Variants in SPAG16 observed in about 807,000 individuals in gnomAD.
The protein encoded by SPAG16 is sperm-associated antigen 16 protein.
In SPAG16, 86 loss-of-function variants were observed where a neutral mutation model predicts 80.4. That is an observed-to-expected ratio of 1.07 (90% confidence interval 0.90 to 1.28). The LOEUF is 1.28. SPAG16 is among the 50% of genes most tolerant of loss of function. The pLI, the probability that SPAG16 is intolerant of heterozygous loss-of-function variation, is 0.00. For synonymous variants in SPAG16, 294 were observed against 265.9 expected, an observed-to-expected ratio of 1.11 and a Z score of -1.03; for missense variants, 870 against 765.3, an observed-to-expected ratio of 1.14 and a Z score of -1.61.
chr2:214,316,521 C>A (rs1695704406), intron 15 of SPAG16, among the ~76,000 whole-genome samples: 1 of 152,126 alleles, frequency 6.6e-6, no homozygotes, highest in Admixed American at 6.6e-5. Flanking sequence ...ATTTGGGGCT[C>A]TTTTTATAAG....
intron 10 of SPAG16, among the ~76,000 whole-genome samples, chr2:213,631,786 T>C (rs532144163): frequency 3.9e-5 from 6 of 152,190 alleles, no homozygotes; most frequent in Non-Finnish European, 8.8e-5. Flanking sequence ...CAAAATCGAC[T>C]TCACTATAGG....
At chr2:213,523,889 T>C (rs2075781971) in intron 10 of SPAG16, among the ~76,000 whole-genome samples, 1 of 152,122 alleles carries the variant, frequency 6.6e-6, no homozygotes, top group Admixed American at 6.6e-5. Context: ...GCATAAAAAT[T>C]TGGAAAATTT....
At chr2:214,314,179 A>C (rs1576755771) in intron 15 of SPAG16, among the ~76,000 whole-genome samples, 2 of 152,268 alleles carry the variant, frequency 1.3e-5, no homozygotes, top group Admixed American at 1.3e-4. Context: ...TTTTGCCTTG[A>C]GTTATACTTT....
rs1022793140 is a variant in SPAG16, at chr2:214,121,817, C to T, written c.1593+13556C>T. On this transcript the variant is annotated intron_variant, in intron 14 of 15. Coordinates refer to ENST00000331683, the MANE Select transcript of SPAG16 (RefSeq NM_024532.5). The stretch of plus-strand genomic sequence containing the variant: ...TTATTTAAAATGCTGTATAAAATTA[C>T]CTTCAGTCTGTATGTATAAGGTATA... Among the ~76,000 whole-genome samples the T allele has an allele frequency of 2.0e-5, 3 of 151,884 alleles. No individual in the cohort carries two copies. The East Asian group carries it at 5.8e-4, about 29-fold the overall frequency.
At chr2:214,267,099 A>G (rs1255605456) in intron 15 of SPAG16, among the ~76,000 whole-genome samples, 2 of 151,836 alleles carry the variant, frequency 1.3e-5, no homozygotes, top group Non-Finnish European at 3.0e-5. Context: ...TAAAATTTGT[A>G]TGGAACTACA....
At position 214,149,123 on chromosome 2, in the gene SPAG16, T is replaced by C. The variant is rs754751257; in HGVS notation, c.1594-17T>C. The stretch of plus-strand genomic sequence containing the variant: ...CATACATACACATTTTATTTTTGTT[T>C]ATCTTATATTTTGAAGGGTCACATG... On this transcript the variant is annotated splice_polypyrimidine_tract_variant and intron_variant, in intron 14 of 15. Coordinates refer to ENST00000331683, the MANE Select transcript of SPAG16 (RefSeq NM_024532.5). 5 of 1,467,576 alleles carry C rather than the reference T, an allele frequency of 3.4e-6. No homozygotes were observed. The highest frequency in any genetic ancestry group is 3.6e-6 in the Non-Finnish European group (4 of 1,104,926). 90.9% of individuals were successfully genotyped at this position (1,467,576 alleles called of 1,614,324 possible).
intron 12 of SPAG16, among the ~76,000 whole-genome samples, chr2:213,957,867 T>C (rs2044228002): frequency 6.6e-6 from 1 of 152,176 alleles, no homozygotes; most frequent in African/African-American, 2.4e-5. Flanking sequence ...TAATTTTTTG[T>C]CTTAAAGTCT....
intron 10 of SPAG16, among the ~76,000 whole-genome samples, chr2:213,833,457 TATATA>T (rs1559505593): frequency 1.4e-3 from 2 of 1,396 alleles, no homozygotes; most frequent in African/African-American, 3.8e-3. Context: ...ATATATATTA[TATATA>T]TATTATATAT....
At chr2:213,553,030 G>A (rs144544154) in intron 10 of SPAG16, among the ~76,000 whole-genome samples, 89 of 152,264 alleles carry the variant, frequency 5.8e-4, no homozygotes, top group Non-Finnish European at 1.2e-3. Context: ...GACTTGGACT[G>A]GCTTCCTTGC....
rs113502841 is a variant in SPAG16, at chr2:213,777,441, C to G, written c.1071-85044C>G. Reference sequence around the variant, plus strand: ...TTTTTTTTTGAGATGGAGTCTCGCTCTGTCTCCCAGGCTGGAGTGCAGTGG... The same window carrying G: ...TTTTTTTTTGAGATGGAGTCTCGCTGTGTCTCCCAGGCTGGAGTGCAGTGG... On this transcript the variant is annotated intron_variant, in intron 10 of 15. Transcript: ENST00000331683. Among the ~76,000 whole-genome samples, 1,342 of 151,570 alleles carry G rather than the reference C, an allele frequency of 8.9e-3. 14 individuals are homozygous for G. Among genetic ancestry groups the G allele is most frequent in the African/African-American group, 0.031 (1,289 of 41,358 alleles).
chr2:214,114,690 G>T (rs573690966), intron 14 of SPAG16, among the ~76,000 whole-genome samples: 1 of 152,164 alleles, frequency 6.6e-6, no homozygotes, highest in African/African-American at 2.4e-5. Flanking sequence ...GGAGTGTCCC[G>T]TTTTTCCAGG....
chr2:213,922,913 G>T (rs2078290599), intron 11 of SPAG16, among the ~76,000 whole-genome samples: 1 of 152,164 alleles, frequency 6.6e-6, no homozygotes, highest in Admixed American at 6.5e-5. Flanking sequence ...ATTCTTGCCA[G>T]GTTGGCCTTA....
chr2:213,305,390 A>G (rs2062900332), intron 3 of SPAG16, among the ~76,000 whole-genome samples: 1 of 152,020 alleles, frequency 6.6e-6, no homozygotes, highest in South Asian at 2.1e-4. Flanking sequence ...TTCCAGTACT[A>G]TGTTGAATAA....
intron 10 of SPAG16, among the ~76,000 whole-genome samples, chr2:213,653,038 G>A (rs1029980023): frequency 3.9e-5 from 6 of 151,942 alleles, no homozygotes; most frequent in African/African-American, 7.3e-5. Flanking sequence ...TTCACTGCCC[G>A]GCATCTTCTA....
At chr2:214,116,050 C>T (rs547110934) in intron 14 of SPAG16, among the ~76,000 whole-genome samples, 2 of 152,238 alleles carry the variant, frequency 1.3e-5, no homozygotes, top group South Asian at 4.1e-4. Flanking sequence ...CCAGCACCCA[C>T]GTAGCTGATC....
chr2:213,323,362 A>G (rs2063704031), intron 5 of SPAG16, among the ~76,000 whole-genome samples: 1 of 152,006 alleles, frequency 6.6e-6, no homozygotes, highest in South Asian at 2.1e-4. Flanking sequence ...AATGGTGTGA[A>G]CCCAGGAGGC....
At chr2:214,217,418 G>A (rs2058459462) in intron 15 of SPAG16, among the ~76,000 whole-genome samples, 1 of 152,228 alleles carries the variant, frequency 6.6e-6, no homozygotes, top group African/African-American at 2.4e-5. Flanking sequence ...ATGTTTGAAA[G>A]CACCTATGTG....
intron 10 of SPAG16, among the ~76,000 whole-genome samples, chr2:213,785,270 T>C (rs1013212645): frequency 1.3e-5 from 2 of 152,150 alleles, no homozygotes; most frequent in South Asian, 4.1e-4. Context: ...AAATATTCTA[T>C]AAGCTGAAGA....
In SPAG16 at chr2:214,198,023, A is replaced by G. The variant is rs1382229836; in HGVS notation, c.1720+48757A>G. On this transcript the variant is annotated intron_variant, in intron 15 of 15. Coordinates refer to ENST00000331683, the MANE Select transcript of SPAG16 (RefSeq NM_024532.5). ...ATGACTCCACAAATAAATCGTGTAT[A>G]ATCTTATAGATAACTTGTTTTCACT... 5.3e-5 allele frequency among the ~76,000 whole-genome samples: 8 copies of G among 152,228 alleles called. 1 individual carries two copies. The highest frequency in any genetic ancestry group is 4.1e-4 in the South Asian group (2 of 4,828).
Sources: allele counts gnomAD v4.1 joint callset (sites outside exome capture counted in the v4.1 genomes callset), GRCh38; gene constraint gnomAD v4.1.1; transcripts MANE v1.5; gene names NCBI Gene and HGNC (gene_info 2026-07-23, HGNC 2026-07-21).